EYA2: variants seen among roughly 807,000 people sequenced by gnomAD.
EYA2 encodes protein phosphatase EYA2.
In EYA2, 31 loss-of-function variants were observed where a neutral mutation model predicts 69.2. The ratio of observed to expected loss-of-function variants is 0.45; its 90% CI spans 0.34 to 0.60. The LOEUF (loss-of-function observed/expected upper bound fraction) is 0.60, where lower values mean the gene tolerates loss of function less well. Among genes scored for constraint, EYA2 ranks in the 20% least tolerant of loss-of-function variants. The pLI is 0.02. For synonymous variants in EYA2, 257 were observed against 279.4 expected (o/e 0.92, Z 0.80); for missense variants, 622 against 701.2 (o/e 0.89, Z 1.28).
At chr20:46,980,385 G>A (rs1600603798) in intron 1 of EYA2, among the ~76,000 whole-genome samples, 2 of 152,242 alleles carry the variant, frequency 1.3e-5, no homozygotes, top group African/African-American at 2.4e-5. Flanking sequence ...CTCCTCCATT[G>A]TCTCCTCCAA....
chr20:47,082,489 G>C (rs1283391843), intron 7 of EYA2, among the ~76,000 whole-genome samples: 1 of 152,106 alleles, frequency 6.6e-6, no homozygotes, highest in Non-Finnish European at 1.5e-5. Context: ...TAGTATCAAA[G>C]ATGTGAAATA....
intron 9 of EYA2, among the ~76,000 whole-genome samples, chr20:47,134,981 G>A (rs1221534975): frequency 6.6e-6 from 1 of 152,012 alleles, no homozygotes; most frequent in Non-Finnish European, 1.5e-5. Context: ...CAAAAAATTA[G>A]CCGGGCGTGG....
At position 46,977,866 on chromosome 20, in the gene EYA2, G is replaced by A. The variant is rs181519046; in HGVS notation, c.-10-12135G>A. Among the ~76,000 whole-genome samples the A allele has an allele frequency of 4.2e-3, 633 of 152,290 alleles. 2 individuals are homozygous for A. The highest frequency in any genetic ancestry group is 5.0e-3 in the Non-Finnish European group (341 of 68,020). On this transcript the variant is annotated intron_variant, in intron 1 of 15. Coordinates refer to ENST00000327619, the MANE Select transcript of EYA2 (RefSeq NM_005244.5). ...GAGGTGTGGACAGGAGGAGGGATTT[G>A]TGATCACTTCCTTGTGGCTTGTGGA...
rs765083065 is a variant in EYA2, at chr20:47,185,276, C to CTTTTTTTTTTTTTT, written c.1536+1914_1536+1927dup. Among the ~76,000 whole-genome samples the CTTTTTTTTTTTTTT allele has an allele frequency of 1.3e-4, 7 of 55,844 alleles. 2 individuals carry two copies. Among genetic ancestry groups the CTTTTTTTTTTTTTT allele is most frequent in the East Asian group, 1.3e-3 (2 of 1,512 alleles). The allele number at this position is 55,844 out of a possible 152,430, so 36.6% of individuals were successfully genotyped here. A position where few individuals can be genotyped will look rare whatever the true frequency, so the allele number is the denominator to read the frequency against. ...CTCTCCCAGAAAAATGAATCACACT[C>CTTTTTTTTTTTTTT]TTTTTTTTTTTTTTTTTTTTTTTTT... On this transcript the variant is annotated intron_variant, in intron 15 of 15. Transcript: ENST00000327619.
chr20:47,015,822 A>G lies in EYA2; in HGVS notation c.299-359A>G, dbSNP rs552453355. 2.2e-3 allele frequency among the ~76,000 whole-genome samples: 336 copies of G among 152,344 alleles called. 1 individual carries two copies. The highest frequency in any genetic ancestry group is 4.2e-3 in the Non-Finnish European group (283 of 68,036). On this transcript the variant is annotated intron_variant, in intron 4 of 15. Coordinates refer to ENST00000327619, the MANE Select transcript of EYA2 (RefSeq NM_005244.5). ...AAGTCCTGCAGATGGAATGGAATCT[A>G]TCATGACCTGGGAAACACCTGAATT... is the stretch of plus-strand genomic sequence containing the variant.
At chr20:47,055,061 T>C (rs537014762) in intron 5 of EYA2, among the ~76,000 whole-genome samples, 52 of 152,262 alleles carry the variant, frequency 3.4e-4, no homozygotes, top group African/African-American at 1.3e-3. Flanking sequence ...TTACCATATG[T>C]CATCTTGAGA....
chr20:47,172,225 G>A (rs1274016637), intron 11 of EYA2, among the ~76,000 whole-genome samples: 1 of 152,186 alleles, frequency 6.6e-6, no homozygotes, highest in African/African-American at 2.4e-5. Flanking sequence ...CTTGAGCCCA[G>A]GAGTTCAAGA....
In EYA2 at chr20:47,112,429, G is replaced by C. The variant is rs190892041; in HGVS notation, c.888+15261G>C. On this transcript the variant is annotated intron_variant, in intron 9 of 15. Coordinates refer to ENST00000327619, the MANE Select transcript of EYA2 (RefSeq NM_005244.5). Reference sequence around the variant, plus strand: ...TATAACAAGCCTTGTGGAACTTTTTGAGCATTTGACAAAAATTAAAACTAT... The same window carrying C: ...TATAACAAGCCTTGTGGAACTTTTTCAGCATTTGACAAAAATTAAAACTAT... 4.1e-3 allele frequency among the ~76,000 whole-genome samples: 620 copies of C among 152,230 alleles called. 17 individuals carry two copies. The highest frequency in any genetic ancestry group is 0.037 in the Admixed American group (572 of 15,290).
chr20:47,047,548 G>A (rs957007716), intron 5 of EYA2, among the ~76,000 whole-genome samples: 1 of 152,056 alleles, frequency 6.6e-6, no homozygotes, highest in East Asian at 1.9e-4. Context: ...CACCACGCCT[G>A]GCTAATTTTT....
At chr20:46,977,939 G>A (rs922676642) in intron 1 of EYA2, among the ~76,000 whole-genome samples, 2 of 152,154 alleles carry the variant, frequency 1.3e-5, no homozygotes, top group Non-Finnish European at 2.9e-5. Context: ...GAATTTCACT[G>A]GCTGGACCCA....
intron 1 of EYA2, among the ~76,000 whole-genome samples, chr20:46,964,354 T>C (rs1020281472): frequency 3.9e-5 from 6 of 152,090 alleles, no homozygotes; most frequent in African/African-American, 1.2e-4. Context: ...AGGTGGGCAG[T>C]GGAGGCTGGG....
At chr20:47,181,765 G>A (rs1371121346) in intron 14 of EYA2, among the ~76,000 whole-genome samples, 2 of 152,022 alleles carry the variant, frequency 1.3e-5, no homozygotes, top group East Asian at 3.8e-4. Flanking sequence ...CATTTTCTTG[G>A]AGCAATTTTG....
Position 47,046,598 on chromosome 20 carries a change from G to C in EYA2, c.416-25587G>C, listed in dbSNP as rs541439851. ...GAGCTTTGATGGGAGGCTTGTGTAGGGGGGTGGGCTGGGTCCAAGCCCTCC... is the reference window on the plus strand; with the variant it reads ...GAGCTTTGATGGGAGGCTTGTGTAGCGGGGTGGGCTGGGTCCAAGCCCTCC... On this transcript the variant is annotated intron_variant, in intron 5 of 15. Transcript: ENST00000327619. Among the ~76,000 whole-genome samples the C allele has an allele frequency of 2.0e-4, 30 of 152,286 alleles. No individual in the cohort carries two copies. In the South Asian group the frequency reaches 5.0e-3, roughly 25 times the overall value.
At chr20:47,167,279 A>G (rs1474300673) in intron 10 of EYA2, among the ~76,000 whole-genome samples, 3 of 70,078 alleles carry the variant, frequency 4.3e-5, no homozygotes, top group Admixed American at 1.2e-4. Flanking sequence ...CGGTTTTTTT[A>G]CTTTTTTTTT....
rs368203318 is a variant in EYA2 at position 46,975,712 on chromosome 20, C to T, written c.-10-14289C>T. On this transcript the variant is annotated intron_variant, in intron 1 of 15. Coordinates refer to ENST00000327619, the MANE Select transcript of EYA2 (RefSeq NM_005244.5). ...GGTGGATCACCTGAGGTCAGGTGTT[C>T]GAGACTAGCCTGGCCAACATGGCAA... 1.7e-3 allele frequency among the ~76,000 whole-genome samples: 255 copies of T among 151,674 alleles called. 1 individual carries two copies. Among genetic ancestry groups the T allele is most frequent in the African/African-American group, 5.9e-3 (245 of 41,338 alleles).
intron 10 of EYA2, among the ~76,000 whole-genome samples, chr20:47,145,285 A>G (rs2146602787): frequency 6.6e-6 from 1 of 152,266 alleles, no homozygotes; most frequent in East Asian, 1.9e-4. Context: ...TAGCACTTGA[A>G]CCAAAGGATG....
chr20:46,986,917 A>G (rs1444873956), intron 1 of EYA2, among the ~76,000 whole-genome samples: 1 of 152,196 alleles, frequency 6.6e-6, no homozygotes, highest in East Asian at 1.9e-4. Context: ...GAAGGGGACA[A>G]AGTCCAAACC....
chr20:46,905,618 C>T (rs1600530575), intron 1 of EYA2, among the ~76,000 whole-genome samples: 1 of 152,192 alleles, frequency 6.6e-6, no homozygotes, highest in African/African-American at 2.4e-5. Flanking sequence ...GTGACTTCCT[C>T]CTCAGACCAG....
chr20:47,147,107 G>A (rs189212715), intron 10 of EYA2, among the ~76,000 whole-genome samples: 65 of 148,352 alleles, frequency 4.4e-4, no homozygotes, highest in Admixed American at 3.7e-3. Context: ...CCAGGCTGGA[G>A]GTACGATCTT....
Sources: allele counts gnomAD v4.1 joint callset (sites outside exome capture counted in the v4.1 genomes callset), GRCh38; gene constraint gnomAD v4.1.1; transcripts MANE v1.5; gene names NCBI Gene and HGNC (gene_info 2026-07-23, HGNC 2026-07-21).